DHX32: variants seen among roughly 807,000 people sequenced by gnomAD.
DHX32 encodes the protein DEAH-box helicase 32 (putative), also known as putative pre-mRNA-splicing factor ATP-dependent RNA helicase DHX32.
Under a neutral mutation model 70.0 loss-of-function variants are expected in DHX32, and 51 were observed. That is an observed-to-expected ratio of 0.73 (90% CI 0.58 to 0.92). The LOEUF is 0.92. Among genes scored for constraint, DHX32 ranks in the 40% least tolerant of loss-of-function variants. DHX32 has a pLI of 0.00. For missense variants in DHX32, 762 were observed against 891.8 expected, an observed-to-expected ratio of 0.85 and a Z score of 1.85; for synonymous variants, 310 against 315.3, an observed-to-expected ratio of 0.98 and a Z score of 0.18.
At chr10:125,841,187 TTG>T (rs34263964) in intron 7 of DHX32, 191 bp from the exon 8 acceptor site, 130 of 1,390,918 alleles carry the variant, frequency 9.3e-5, no homozygotes, top group Non-Finnish European at 1.2e-4. Flanking sequence ...CCCTCTCCTT[TTG>T]TGTGTGTGTG....
At chr10:125,853,907 A>G (rs1011152988) in intron 4 of DHX32, 54 bp downstream of exon 4, 2 of 1,573,154 alleles carry the variant, frequency 1.3e-6, no homozygotes, top group Non-Finnish European at 1.7e-6. Flanking sequence ...GAAACTGAGA[A>G]ACTAGTGCTT....
At chr10:125,874,925 G>A (rs1944275734) in intron 1 of DHX32, among the ~76,000 whole-genome samples, 1 of 152,084 alleles carries the variant, frequency 6.6e-6, no homozygotes, top group Non-Finnish European at 1.5e-5. Flanking sequence ...CACTGAGATG[G>A]CCTAAAAGCA....
In DHX32 at chr10:125,840,997, C is replaced by T; in HGVS notation, c.1544-1G>A. On this transcript the variant is annotated splice_acceptor_variant, in intron 7 of 10. Transcript: ENST00000284690. LOFTEE classifies it high-confidence loss of function. Reference sequence around the variant, plus strand: ...GGCACATGTGAAAAGCAATTTGGAGCTTCAAAATGAAAAAGGTCACATGGT... The same window carrying T: ...GGCACATGTGAAAAGCAATTTGGAGTTTCAAAATGAAAAAGGTCACATGGT... 2 of 1,590,838 alleles carry T rather than the reference C, an allele frequency of 1.3e-6. No homozygotes were observed. The highest frequency in any genetic ancestry group is 1.7e-6 in the Non-Finnish European group (2 of 1,166,326).
chr10:125,860,747 A>G (rs1448774247), intron 2 of DHX32, among the ~76,000 whole-genome samples: 1 of 131,902 alleles, frequency 7.6e-6, no homozygotes, highest in African/African-American at 2.7e-5. Flanking sequence ...GAAGAAACCA[A>G]TCCCATTTTT....
chr10:125,876,745 T>A (rs1944285878), intron 1 of DHX32, among the ~76,000 whole-genome samples: 1 of 152,208 alleles, frequency 6.6e-6, no homozygotes, highest in African/African-American at 2.4e-5. Context: ...ACTGGGGAGT[T>A]GTGTCAGATT....
intron 2 of DHX32, among the ~76,000 whole-genome samples, chr10:125,862,155 T>C (rs1944193140): frequency 6.6e-6 from 1 of 152,198 alleles, no homozygotes; most frequent in Non-Finnish European, 1.5e-5. Context: ...TAAACCCAGA[T>C]AGTTGTTCTA....
At chr10:125,841,144 T>C in intron 7 of DHX32, 148 bp from the exon 8 acceptor site, 1 of 1,383,606 alleles carries the variant, frequency 7.2e-7, no homozygotes, top group Non-Finnish European at 9.9e-7. Context: ...TACTTAGAAA[T>C]CCCAGAAATT....
Position 125,893,525 on chromosome 10 carries a change from G to A in DHX32, c.-248+2693C>T, listed in dbSNP as rs573884125. ...CCCAAAGTGCTGGGATTACAGGCGT[G>A]AGCCACCGCGCCCGGCCAGTGTCCT... On this transcript the variant is annotated intron_variant, in intron 1 of 2. Coordinates refer to the DHX32 transcript ENST00000415732. Among the ~76,000 whole-genome samples the A allele has an allele frequency of 3.8e-4, 58 of 152,352 alleles. No homozygotes were observed. The East Asian group carries it at 8.1e-3, about 21-fold the overall frequency.
intron 6 of DHX32, among the ~76,000 whole-genome samples, chr10:125,845,792 T>C (rs1944009304): frequency 6.6e-6 from 1 of 152,226 alleles, no homozygotes; most frequent in African/African-American, 2.4e-5. Context: ...GTAATGGCAG[T>C]ATCCCCACTG....
Position 125,857,140 on chromosome 10 carries a change from A to G in DHX32, c.849+2463T>C, listed in dbSNP as rs370639520. Among the ~76,000 whole-genome samples, 30 of 152,366 alleles carry G rather than the reference A, an allele frequency of 2.0e-4. No individual in the cohort carries two copies. In the East Asian group the frequency reaches 2.7e-3, roughly 14 times the overall value. On this transcript the variant is annotated intron_variant, in intron 3 of 10. Coordinates refer to ENST00000284690, the MANE Select transcript of DHX32 (RefSeq NM_018180.3). ...TAGCACTGATTTCGGTGCAAGACAA[A>G]TCTTTCCAAGACACAAATCCCAATC...
chr10:125,844,154 G>C (rs1854950935), intron 6 of DHX32, among the ~76,000 whole-genome samples: 2 of 152,186 alleles, frequency 1.3e-5, no homozygotes, highest in South Asian at 4.1e-4. Context: ...AAGTTCAAGA[G>C]TTCTATCAGT....
intron 6 of DHX32, among the ~76,000 whole-genome samples, chr10:125,843,142 A>C (rs896474368): frequency 6.6e-6 from 1 of 152,100 alleles, no homozygotes; most frequent in South Asian, 2.1e-4. Context: ...TTATACCCCA[A>C]AACTGCAGGA....
intron 1 of DHX32, among the ~76,000 whole-genome samples, chr10:125,889,254 T>C (rs1475103183): frequency 2.0e-5 from 3 of 152,212 alleles, no homozygotes; most frequent in Admixed American, 6.5e-5. Context: ...GATTAATTTC[T>C]GAGCCCGCTT....
At chr10:125,871,814 G>GT (rs1427113928) in intron 1 of DHX32, among the ~76,000 whole-genome samples, 1 of 150,598 alleles carries the variant, frequency 6.6e-6, no homozygotes, top group South Asian at 2.1e-4. Flanking sequence ...AGTAAATATT[G>GT]TATCTCTTGT....
chr10:125,857,090 A>G (rs1360409152), intron 3 of DHX32, among the ~76,000 whole-genome samples: 1 of 152,238 alleles, frequency 6.6e-6, no homozygotes, highest in Non-Finnish European at 1.5e-5. Context: ...ATCAAATAGC[A>G]TGGGGGGAAA....
Position 125,840,837 on chromosome 10 carries a change from A to C in DHX32, c.1693+10T>G, listed in dbSNP as rs547254735. On this transcript the variant is annotated intron_variant, in intron 8 of 10. Coordinates refer to ENST00000284690, the MANE Select transcript of DHX32 (RefSeq NM_018180.3). ...TGGAATTAATAGGTAGTTTCTGAGCATTCACTTACACTCACTGCTAGAATT... is the reference window on the plus strand; with the variant it reads ...TGGAATTAATAGGTAGTTTCTGAGCCTTCACTTACACTCACTGCTAGAATT... 9 of 1,563,740 alleles carry C rather than the reference A, an allele frequency of 5.8e-6. No individual in the cohort carries two copies. In the Admixed American group the frequency reaches 1.7e-4, roughly 29 times the overall value.
intron 1 of DHX32, among the ~76,000 whole-genome samples, chr10:125,870,124 G>A (rs1808856676): frequency 6.6e-6 from 1 of 152,156 alleles, no homozygotes; most frequent in Admixed American, 6.6e-5. Context: ...AAGTTCTTTT[G>A]GGGGGAATCA....
At chr10:125,890,881 G>A (rs1211807284) in intron 1 of DHX32, among the ~76,000 whole-genome samples, 1 of 151,884 alleles carries the variant, frequency 6.6e-6, no homozygotes, top group Non-Finnish European at 1.5e-5. Context: ...GACTAGCCTG[G>A]GCAACACAGT....
In DHX32 at chr10:125,854,156, G is replaced by C. The variant is rs1564826839; in HGVS notation, c.897C>G (p.Asn299Lys). 3.1e-6 allele frequency: 5 copies of C among 1,613,380 alleles called. No homozygotes were observed. The Admixed American group carries it at 8.3e-5, about 27-fold the overall frequency. The change falls in exon 4 of 11, where the codon AAC (asparagine) becomes AAG (lysine). Residue 299 changes from asparagine (N) to lysine (K), a missense_variant. By Grantham distance (94) the Asn-to-Lys change is moderately conservative (BLOSUM62 0). This residue lies in a region of DHX32 where 394 missense variants were observed against 473.1 expected (regional missense o/e 0.83). Coordinates refer to ENST00000284690, the MANE Select transcript of DHX32 (RefSeq NM_018180.3). ...CAACCACCAGTTCTCCAAGATCTGG[G>C]TTTAGGTTAGATCCTTGATAGACAG... is the stretch of plus-strand genomic sequence containing the variant. ...CETVYQGSNL[N>K]PDLGELVVVP...
Sources: allele counts gnomAD v4.1 joint callset (sites outside exome capture counted in the v4.1 genomes callset), GRCh38; gene constraint gnomAD v4.1.1; regional missense constraint gnomAD v4.1.1; transcripts MANE v1.5; gene names NCBI Gene and HGNC (gene_info 2026-07-23, HGNC 2026-07-21).